ANKRD36C: variants seen among roughly 807,000 people sequenced by gnomAD.
ANKRD36C encodes ankyrin repeat domain-containing protein 36C.
In ANKRD36C, 61 loss-of-function variants were observed where a neutral mutation model predicts 276.4. The observed-to-expected ratio is 0.22, with a 90% CI of 0.18 to 0.27. The LOEUF (loss-of-function observed/expected upper bound fraction) is 0.27, where lower values mean the gene tolerates loss of function less well. Among genes scored for constraint, ANKRD36C ranks in the 10% least tolerant of loss-of-function variants. The pLI, the probability that ANKRD36C is intolerant of heterozygous loss-of-function variation, is 1.00. For missense variants in ANKRD36C, 1,447 were observed against 2,032.3 expected (o/e 0.71, Z 5.54); for synonymous variants, 483 against 680.1 (o/e 0.71, Z 4.51).
intron 42 of ANKRD36C, 73 bp downstream of exon 44, chr2:95,912,171 C>T (rs1359781587): frequency 5.9e-6 from 9 of 1,527,766 alleles, no homozygotes; most frequent in East Asian, 2.5e-5. Flanking sequence ...GACCAGCCCC[C>T]CACTGATTTA....
rs188534795 is a variant in ANKRD36C, at chr2:95,987,009, T to C, written c.312+83A>G. The C allele has an allele frequency of 4.6e-4, 712 of 1,562,014 alleles. 3 individuals are homozygous for C. In the African/African-American group the frequency reaches 9.2e-3, roughly 20 times the overall value. Reference sequence around the variant, plus strand: ...GGATTTCCTACTAGTTATATGGTGGTATTCCAATGAGATAAATTCATTTTA... The same window carrying C: ...GGATTTCCTACTAGTTATATGGTGGCATTCCAATGAGATAAATTCATTTTA... On this transcript the variant is annotated intron_variant, in intron 2 of 66. Coordinates refer to ENST00000456556, the Ensembl canonical transcript of ANKRD36C.
Position 95,929,054 on chromosome 2 carries a change from A to T in ANKRD36C, c.1837+18T>A, listed in dbSNP as rs76998771. The stretch of plus-strand genomic sequence containing the variant: ...CATCTTGATTGAACATGACATTAGA[A>T]GTGTTTTGCAAAATTACCTGTCCCA... On this transcript the variant is annotated intron_variant, in intron 26 of 66. Coordinates refer to ENST00000456556, the Ensembl canonical transcript of ANKRD36C. The T allele has an allele frequency of 1.9e-6, 3 of 1,601,604 alleles. No homozygotes were observed. Among genetic ancestry groups the T allele is most frequent in the African/African-American group, 1.3e-5 (1 of 74,570 alleles).
chr2:95,920,385 C>T lies in ANKRD36C; in HGVS notation c.2245+1222G>A, dbSNP rs1456634670. 1.5e-5 allele frequency among the ~76,000 whole-genome samples: 2 copies of T among 132,230 alleles called. 1 individual carries two copies. Among genetic ancestry groups the T allele is most frequent in the East Asian group, 5.4e-4 (2 of 3,710 alleles). 86.7% of individuals were successfully genotyped at this position (132,230 alleles called of 152,430 possible). Reference sequence around the variant, plus strand: ...CAATAACTGAGAAGGCACACAGTTACCATGGCACTTCAGTTGAATGTACAC... The same window carrying T: ...CAATAACTGAGAAGGCACACAGTTATCATGGCACTTCAGTTGAATGTACAC... On this transcript the variant is annotated intron_variant, in intron 34 of 66. Coordinates refer to ENST00000456556, the Ensembl canonical transcript of ANKRD36C.
At chr2:95,873,688 CAGG>C (rs1350484551) in intron 59 of ANKRD36C, among the ~76,000 whole-genome samples, 3 of 152,202 alleles carry the variant, frequency 2.0e-5, no homozygotes, top group Non-Finnish European at 4.4e-5. Context: ...GGCCATTAGG[CAGG>C]AGAAGGAAAT....
At chr2:95,965,902 A>C (rs1367399375) in intron 6 of ANKRD36C, among the ~76,000 whole-genome samples, 8 of 152,102 alleles carry the variant, frequency 5.3e-5, no homozygotes, top group Non-Finnish European at 8.8e-5. Context: ...AGGAATATGC[A>C]CATATGTTGT....
intron 42 of ANKRD36C, 137 bp downstream of exon 46, chr2:95,910,236 C>G (rs896598633): frequency 1.9e-6 from 2 of 1,074,858 alleles, no homozygotes; most frequent in South Asian, 1.5e-5. Context: ...CACCCAACAA[C>G]TTACTACAAA....
chr2:95,894,129 T>C (rs1188043833), intron 44 of ANKRD36C: 3 of 253,568 alleles, frequency 1.2e-5, no homozygotes, highest in African/African-American at 4.6e-5. Flanking sequence ...TTTACACCAT[T>C]ATACTAAAAA....
At chr2:95,931,773 T>G (rs1677577580) in intron 24 of ANKRD36C, among the ~76,000 whole-genome samples, 1 of 148,584 alleles carries the variant, frequency 6.7e-6, no homozygotes, top group African/African-American at 2.5e-5. Context: ...GAAATAAATA[T>G]GGAACAGAAA....
At position 95,946,156 on chromosome 2, in the gene ANKRD36C, G is replaced by GAA. The variant is rs56964568; in HGVS notation, c.1363-984_1363-983dup. Among the ~76,000 whole-genome samples the GAA allele has an allele frequency of 4.4e-3, 321 of 73,270 alleles. 3 individuals are homozygous for GAA. Among genetic ancestry groups the GAA allele is most frequent in the African/African-American group, 0.011 (217 of 19,458 alleles). 48.1% of individuals were successfully genotyped at this position (73,270 alleles called of 152,430 possible). A position where few individuals can be genotyped will look rare whatever the true frequency, so the allele number is the denominator to read the frequency against. ...AACAGAGAGAGAGAGACAGAGAGAG[G>GAA]AAAAAAAAAAAAAAAAAAAAAACAA... On this transcript the variant is annotated intron_variant, in intron 17 of 66. Coordinates refer to ENST00000456556, the Ensembl canonical transcript of ANKRD36C.
At chr2:95,914,598 T>C (rs886237526) in intron 38 of ANKRD36C, among the ~76,000 whole-genome samples, 11 of 151,510 alleles carry the variant, frequency 7.3e-5, no homozygotes, top group Non-Finnish European at 1.5e-4. Flanking sequence ...TGAGAACATA[T>C]GTGATCTAAA....
chr2:95,911,004 T>C lies in ANKRD36C; in HGVS notation c.2653+1240A>G, dbSNP rs1676904114. 2.0e-5 allele frequency among the ~76,000 whole-genome samples: 3 copies of C among 151,460 alleles called. No homozygotes were observed. The South Asian group carries it at 6.2e-4, about 31-fold the overall frequency. ...ACAAACATTCATCATGCTCTTTAAC[T>C]TGCCCAATAACTGAGAAGGCACACA... On this transcript the variant is annotated intron_variant, in intron 42 of 66. Transcript: ENST00000456556.
chr2:95,963,957 A>ATGTGTGTGT (rs1558658584), intron 6 of ANKRD36C, among the ~76,000 whole-genome samples: 1 of 72,720 alleles, frequency 1.4e-5, no homozygotes, highest in African/African-American at 4.7e-5. Flanking sequence ...ATATATATAT[A>ATGTGTGTGT]AATATATATA....
intron 26 of ANKRD36C, among the ~76,000 whole-genome samples, chr2:95,927,807 C>A (rs1677450712): frequency 6.6e-6 from 1 of 151,566 alleles, no homozygotes; most frequent in South Asian, 2.1e-4. Flanking sequence ...CACCATTATA[C>A]TACAAACGTT....
exon 64 of ANKRD36C, chr2:95,853,763 A>G: frequency 6.2e-7 from 1 of 1,601,698 alleles, no homozygotes; most frequent in Non-Finnish European, 8.5e-7. Flanking sequence ...CATTTTCTAA[A>G]TAGATGCAGT....
At chr2:95,871,078 T>C (rs575262478) in intron 59 of ANKRD36C, among the ~76,000 whole-genome samples, 21 of 152,186 alleles carry the variant, frequency 1.4e-4, no homozygotes, top group Non-Finnish European at 2.5e-4. Context: ...TGGAACCAAG[T>C]TGGAAAACAC....
At chr2:95,857,215 G>A in intron 62 of ANKRD36C, 94 bp downstream of exon 82, 3 of 1,454,218 alleles carry the variant, frequency 2.1e-6, no homozygotes, top group Non-Finnish European at 1.8e-6. Flanking sequence ...TTTGGGGATT[G>A]TTCAGGCCTA....
rs981003703 is a variant in ANKRD36C, at chr2:95,858,918, C to T, written c.3896+943G>A. Among the ~76,000 whole-genome samples, 19 of 152,098 alleles carry T rather than the reference C, an allele frequency of 1.2e-4. 2 individuals are homozygous for T. Among genetic ancestry groups the T allele is most frequent in the Admixed American group, 1.2e-3 (18 of 15,260 alleles). The stretch of plus-strand genomic sequence containing the variant: ...AACAATAAAGAATAATACATGTCTT[C>T]AGCATAAAACTGAATTAATTTTATC... On this transcript the variant is annotated intron_variant, in intron 61 of 66. Transcript: ENST00000456556.
At chr2:95,935,200 T>C (rs1164203622) in intron 24 of ANKRD36C, among the ~76,000 whole-genome samples, 2 of 152,272 alleles carry the variant, frequency 1.3e-5, no homozygotes, top group Non-Finnish European at 2.9e-5. Context: ...CTAACATGCA[T>C]ACAAATTCCA....
In ANKRD36C at chr2:95,912,451, G is replaced by C. The variant is rs780368493; in HGVS notation, c.2552-16C>G. The stretch of plus-strand genomic sequence containing the variant: ...CGAGAAGACACTGAAAAGCAAAAGG[G>C]ATACATAATCACTCACACGTAAATA... On this transcript the variant is annotated splice_polypyrimidine_tract_variant and intron_variant, in intron 40 of 66. Transcript: ENST00000456556. 1.2e-6 allele frequency: 2 copies of C among 1,604,954 alleles called. No individual in the cohort carries two copies. The highest frequency in any genetic ancestry group is 1.7e-6 in the Non-Finnish European group (2 of 1,177,690).
Sources: gnomAD v4.1 joint callset for allele counts (sites outside exome capture counted in the v4.1 genomes callset) on GRCh38, gnomAD v4.1.1 for gene constraint, MANE v1.5 for transcripts, NCBI Gene and HGNC (gene_info 2026-07-23, HGNC 2026-07-21) for gene names.